The following FOXP1 variants were observed in gnomAD, a reference collection of about 807,000 sequenced individuals.
The protein encoded by FOXP1 is forkhead box P1, also known as forkhead box protein P1.
FOXP1 carries 15 observed loss-of-function variants against 98.2 expected under a neutral mutation model. The ratio of observed to expected loss-of-function variants is 0.15; its 90% CI spans 0.10 to 0.24. FOXP1 has a LOEUF of 0.24. Among genes scored for constraint, FOXP1 ranks in the 10% least tolerant of loss-of-function variants. The pLI is 1.00. For synonymous variants in FOXP1, 371 were observed against 314.5 expected, an observed-to-expected ratio of 1.18 and a Z score of -1.90; for missense variants, 633 against 848.5, an observed-to-expected ratio of 0.75 and a Z score of 3.15.
intron 2 of FOXP1, among the ~76,000 whole-genome samples, chr3:71,496,632 C>T (rs533837339): frequency 3.0e-4 from 46 of 152,076 alleles, no homozygotes; most frequent in Non-Finnish European, 4.9e-4. Flanking sequence ...CCACACTGGC[C>T]AACATGGTGA....
intron 19 of FOXP1, chr3:70,970,456 A>G: frequency 2.2e-6 from 1 of 451,168 alleles, no homozygotes; most frequent in Non-Finnish European, 4.1e-6. Context: ...GCCTCAAGTG[A>G]AATTCTGAAA....
intron 2 of FOXP1, among the ~76,000 whole-genome samples, chr3:71,519,605 C>G (rs2042832246): frequency 6.6e-6 from 1 of 152,176 alleles, no homozygotes; most frequent in South Asian, 2.1e-4. Context: ...CGCAACAGAT[C>G]TTTATATTTA....
At chr3:70,966,907 G>A (rs2034909865) in intron 19 of FOXP1, among the ~76,000 whole-genome samples, 1 of 152,220 alleles carries the variant, frequency 6.6e-6, no homozygotes, top group Admixed American at 6.5e-5. Context: ...GGGACACCAA[G>A]TCTGAAATGC....
chr3:71,000,302 TA>T (rs2041948520), intron 13 of FOXP1, among the ~76,000 whole-genome samples: 2 of 440 alleles, frequency 4.5e-3, no homozygotes, highest in Admixed American at 0.01. Flanking sequence ...TACTAGATTT[TA>T]TATATATATA....
At chr3:71,495,046 T>A (rs2091313235) in intron 2 of FOXP1, among the ~76,000 whole-genome samples, 1 of 152,238 alleles carries the variant, frequency 6.6e-6, no homozygotes, top group South Asian at 2.1e-4. Context: ...ATCTGGCCAC[T>A]TTCTACTTCT....
intron 3 of FOXP1, among the ~76,000 whole-genome samples, chr3:71,404,422 G>A (rs553988699): frequency 3.3e-5 from 5 of 151,782 alleles, no homozygotes; most frequent in South Asian, 2.1e-4. Context: ...CCACCAGGCC[G>A]GCCTGTATTG....
At chr3:71,397,006 GTGTATATATATATATATACATATATA>G (rs1560424977) in intron 3 of FOXP1, among the ~76,000 whole-genome samples, 9 of 39,528 alleles carry the variant, frequency 2.3e-4, no homozygotes, top group African/African-American at 9.6e-4. Flanking sequence ...ACATATATAT[GTGTATATATATATATATACATATATA>G]TGTGTATATA....
In FOXP1 at chr3:71,195,497, C is replaced by G. The variant is rs958952752; in HGVS notation, c.180+2705G>C. On this transcript the variant is annotated intron_variant, in intron 6 of 20. Transcript: ENST00000649528. ...GTAATTAACTCGTTTTTATACCAGG[C>G]CCTTTTAAGCCAGATCTTTGTGTTC... Among the ~76,000 whole-genome samples the G allele has an allele frequency of 3.3e-5, 5 of 152,306 alleles. No individual in the cohort carries two copies. The East Asian group carries it at 9.6e-4, about 29-fold the overall frequency.
At chr3:71,578,047 G>A (rs538464658) in intron 2 of FOXP1, among the ~76,000 whole-genome samples, 2 of 151,892 alleles carry the variant, frequency 1.3e-5, no homozygotes, top group East Asian at 3.9e-4. Flanking sequence ...GACAGGATAA[G>A]GAAGAAAGGA....
intron 13 of FOXP1, among the ~76,000 whole-genome samples, chr3:70,989,363 A>C (rs1219088857): frequency 6.6e-6 from 1 of 152,152 alleles, no homozygotes; most frequent in Non-Finnish European, 1.5e-5. Flanking sequence ...AGAAAGAAAA[A>C]AACAGCCGTA....
intron 5 of FOXP1, among the ~76,000 whole-genome samples, chr3:71,298,709 G>T (rs922548885): frequency 1.3e-5 from 2 of 152,078 alleles, no homozygotes; most frequent in Admixed American, 6.6e-5. Context: ...AATTAAATGT[G>T]CCAGAATGCA....
intron 2 of FOXP1, among the ~76,000 whole-genome samples, chr3:71,559,129 T>C (rs993814150): frequency 4.6e-5 from 7 of 152,206 alleles, no homozygotes; most frequent in Admixed American, 4.6e-4. Flanking sequence ...CCTCTGGCTG[T>C]TAATGGCAGG....
At chr3:71,270,061 G>A (rs2070183147) in intron 5 of FOXP1, among the ~76,000 whole-genome samples, 1 of 152,184 alleles carries the variant, frequency 6.6e-6, no homozygotes, top group African/African-American at 2.4e-5. Flanking sequence ...CCGCTCTGAA[G>A]CCAGCAAAGT....
At chr3:71,131,001 C>T (rs1333956673) in intron 6 of FOXP1, 2 of 854,444 alleles carry the variant, frequency 2.3e-6, no homozygotes, top group African/African-American at 3.7e-5. Flanking sequence ...GGGAAACCTG[C>T]TCTTGAGATA....
intron 6 of FOXP1, among the ~76,000 whole-genome samples, chr3:71,155,180 G>T (rs1350022837): frequency 2.0e-5 from 3 of 152,098 alleles, no homozygotes; most frequent in African/African-American, 7.2e-5. Flanking sequence ...TCTATATCAT[G>T]ACATGTATTT....
At chr3:71,503,616 A>C (rs1172929552) in intron 2 of FOXP1, among the ~76,000 whole-genome samples, 1 of 151,598 alleles carries the variant, frequency 6.6e-6, no homozygotes, top group African/African-American at 2.4e-5. Flanking sequence ...AAAAAAAAAA[A>C]AAAAACACCA....
intron 5 of FOXP1, among the ~76,000 whole-genome samples, chr3:71,289,100 T>C (rs2072483473): frequency 6.6e-6 from 1 of 151,890 alleles, no homozygotes; most frequent in Non-Finnish European, 1.5e-5. Context: ...AGTGGTGCGA[T>C]CTTGGTTCAC....
intron 3 of FOXP1, among the ~76,000 whole-genome samples, chr3:71,485,042 T>C (rs1473429689): frequency 6.6e-6 from 1 of 152,212 alleles, no homozygotes; most frequent in Non-Finnish European, 1.5e-5. Flanking sequence ...GTATCTGTAT[T>C]GTCCAGTAAA....
chr3:71,402,390 G>GACTGCAGTAAACCATGTTTGCGCC (rs2082009281), intron 3 of FOXP1, among the ~76,000 whole-genome samples: 1 of 152,180 alleles, frequency 6.6e-6, no homozygotes, highest in South Asian at 2.1e-4. Context: ...GGAAGGTTGA[G>GACTGCAGTAAACCATGTTTGCGCC]ACTGCAGTAA....
Sources: gnomAD v4.1 joint callset for allele counts (sites outside exome capture counted in the v4.1 genomes callset) on GRCh38, gnomAD v4.1.1 for gene constraint, MANE v1.5 for transcripts, NCBI Gene and HGNC (gene_info 2026-07-23, HGNC 2026-07-21) for gene names.